The following DYNLT3 variants were observed in gnomAD, a reference collection of about 807,000 sequenced individuals.
The protein encoded by DYNLT3 is protein 91/23.
A neutral mutation model predicts 11.0 loss-of-function variants in DYNLT3; 4 were observed. That is an observed-to-expected ratio of 0.36 (90% confidence interval 0.18 to 0.83). The LOEUF (loss-of-function observed/expected upper bound fraction) is 0.83, where lower values mean the gene tolerates loss of function less well. DYNLT3 is among the 40% of genes least tolerant of loss of function. The pLI is 0.47. For synonymous variants in DYNLT3, 37 were observed against 31.2 expected (o/e 1.18, Z -0.61); for missense variants, 91 against 91.1 (o/e 1.00, Z 0.01).
Position 37,841,041 on chromosome X carries a change from A to G in DYNLT3, c.261T>C (p.Asp87=). The G allele has an allele frequency of 1.7e-6, 2 of 1,210,924 alleles. No homozygotes were observed. The highest frequency in any genetic ancestry group is 2.2e-6 in the Non-Finnish European group (2 of 895,145). The stretch of plus-strand genomic sequence containing the variant: ...AAGATCTCTTACCATCAGATGTGGT[A>G]TCCCAAAAACAGGAGCTGGCTGTGT... ...GFHTASSCFW[D]TTSDGTCTVR... The change falls in exon 4 of 5, where the codon GAT becomes GAC. Residue 87 remains aspartate (D), a synonymous_variant. Coordinates refer to ENST00000378578, the MANE Select transcript of DYNLT3 (RefSeq NM_006520.3).
At chrX:37,840,906 A>C in intron 4 of DYNLT3, 122 bp downstream of exon 4, 1 of 744,584 alleles carries the variant, frequency 1.3e-6, no homozygotes, top group South Asian at 2.7e-5. Context: ...TACTAGGTAC[A>C]AAGCAATACT....
intron 2 of DYNLT3, among the ~76,000 whole-genome samples, chrX:37,844,444 C>A (rs998530868): frequency 4.5e-5 from 5 of 111,903 alleles, no homozygotes; most frequent in Non-Finnish European, 9.4e-5. Context: ...TCACTATTTC[C>A]TGATTTATGA....
intron 3 of DYNLT3, among the ~76,000 whole-genome samples, 178 bp from the exon 4 acceptor site, chrX:37,841,283 T>C (rs1266891494): frequency 8.9e-6 from 1 of 112,254 alleles, no homozygotes; most frequent in Non-Finnish European, 1.9e-5. Flanking sequence ...AAGACTCTCA[T>C]CTTTATCTAC....
At chrX:37,846,970 G>A (rs1278971503) in intron 1 of DYNLT3, 11 of 1,154,939 alleles carry the variant, frequency 9.5e-6, no homozygotes, top group Non-Finnish European at 1.2e-5. Context: ...GTGAGGGTTG[G>A]GAAAGCCTGA....
In DYNLT3 at chrX:37,840,729, C is replaced by T. The variant is rs980632699; in HGVS notation, c.275-78G>A. On this transcript the variant is annotated intron_variant, in intron 4 of 4. Transcript: ENST00000378578. ...GAGAATATATATATATATATACACA[C>T]ACACACACACACACACACATATACA... 4.4e-4 allele frequency: 219 copies of T among 501,761 alleles called. 2 individuals are homozygous for T. In the African/African-American group the frequency reaches 4.6e-3, roughly 11 times the overall value. 41.4% of individuals were successfully genotyped at this position (501,761 alleles called of 1,213,427 possible).
rs12849 is a variant in DYNLT3 at position 37,839,169 on chromosome X, A to T, written c.*1406T>A. ...CAAACATGCACATAGTATTCCTACA[A>T]GAATATTGCCTTAATATTGTCAATA... On this transcript the variant is annotated 3_prime_UTR_variant, in exon 5 of 5. Coordinates refer to ENST00000378578, the MANE Select transcript of DYNLT3 (RefSeq NM_006520.3). 20,300 of 111,305 alleles carry T rather than the reference A, an allele frequency of 0.18. 1,380 individuals carry two copies. Among genetic ancestry groups the T allele is most frequent in the African/African-American group, 0.25 (7,546 of 30,552 alleles). 9.2% of individuals were successfully genotyped at this position (111,305 alleles called of 1,213,427 possible).
intron 3 of DYNLT3, 83 bp downstream of exon 3, chrX:37,841,699 T>C: frequency 9.9e-7 from 1 of 1,005,093 alleles, no homozygotes; most frequent in Non-Finnish European, 1.3e-6. Context: ...TAAATGTCTA[T>C]TGTACATATA....
At chrX:37,842,153 T>C (rs1394243966) in intron 2 of DYNLT3, among the ~76,000 whole-genome samples, 1 of 111,444 alleles carries the variant, frequency 9.0e-6, no homozygotes, top group Non-Finnish European at 1.9e-5. Flanking sequence ...AAGATAAATA[T>C]GTCATGGCTT....
intron 1 of DYNLT3, 137 bp downstream of exon 1, chrX:37,847,344 C>T: frequency 2.2e-6 from 2 of 922,085 alleles, no homozygotes; most frequent in Non-Finnish European, 1.4e-6. Flanking sequence ...ATCCCGGGCC[C>T]AGGGGAGAGG....
intron 2 of DYNLT3, among the ~76,000 whole-genome samples, chrX:37,846,043 C>T (rs891830306): frequency 2.7e-5 from 3 of 111,332 alleles, no homozygotes; most frequent in South Asian, 3.8e-4. Flanking sequence ...TGGTGGCGGG[C>T]GCCTGTAGAC....
At chrX:37,844,715 C>A (rs925908388) in intron 2 of DYNLT3, among the ~76,000 whole-genome samples, 1 of 111,550 alleles carries the variant, frequency 9.0e-6, no homozygotes, top group African/African-American at 3.3e-5. Flanking sequence ...GGGTGATAAC[C>A]ATTGTTCTAA....
rs891938747 is a variant in DYNLT3, at chrX:37,841,023, C to T, written c.274+5G>A. 18 of 1,207,271 alleles carry T rather than the reference C, an allele frequency of 1.5e-5. No homozygotes were observed. Among genetic ancestry groups the T allele is most frequent in the Non-Finnish European group, 1.9e-5 (17 of 893,935 alleles). On this transcript the variant is annotated splice_donor_5th_base_variant and intron_variant, in intron 4 of 4. Coordinates refer to ENST00000378578, the MANE Select transcript of DYNLT3 (RefSeq NM_006520.3). ...TTTTGTGTAAATCAGCTTAAGATCT[C>T]TTACCATCAGATGTGGTATCCCAAA... is the stretch of plus-strand genomic sequence containing the variant.
At chrX:37,845,735 A>C (rs1930255264) in intron 2 of DYNLT3, among the ~76,000 whole-genome samples, 1 of 112,791 alleles carries the variant, frequency 8.9e-6, no homozygotes, top group South Asian at 3.6e-4. Context: ...ATTTTATCCA[A>C]AAGACAGGGC....
Position 37,840,757 on chromosome X carries a change from C to G in DYNLT3, c.275-106G>C, listed in dbSNP as rs1056290716. On this transcript the variant is annotated intron_variant, in intron 4 of 4. Transcript: ENST00000378578. ...ACACACACACACACACATATACACA[C>G]ACACACACACACACACACACACACA... 46 of 283,339 alleles carry G rather than the reference C, an allele frequency of 1.6e-4. No individual in the cohort carries two copies. The African/African-American group carries it at 2.9e-3, about 18-fold the overall frequency. The allele number at this position is 283,339 out of a possible 1,213,427, so 23.4% of individuals were successfully genotyped here. A position where few individuals can be genotyped will look rare whatever the true frequency, so the allele number is the denominator to read the frequency against.
At position 37,841,836 on chromosome X, in the gene DYNLT3, C is replaced by T; in HGVS notation, c.142G>A (p.Val48Met). The T allele has an allele frequency of 8.5e-7, 1 of 1,181,435 alleles. No homozygotes were observed. The highest frequency in any genetic ancestry group is 1.1e-6 in the Non-Finnish European group (1 of 874,482). The change falls in exon 3 of 5, where the codon GTG becomes ATG. Residue 48 changes from valine to methionine, a missense_variant. By Grantham distance (21) the Val-to-Met change is conservative. Transcript: ENST00000378578. ...ACCAGGTGTGTTAAGGATTGTTCCA[C>T]TATGCTTGCAGTCCACTGGTTGATG... ...NNINQWTASI[V>M]EQSLTHLVKL...
At chrX:37,846,427 C>T in intron 1 of DYNLT3, 69 bp from the exon 2 acceptor site, 1 of 1,060,451 alleles carries the variant, frequency 9.4e-7, no homozygotes, top group African/African-American at 1.8e-5. Context: ...CACAGAATAT[C>T]CTAGGCTGGC....
At chrX:37,841,226 A>C in intron 3 of DYNLT3, 121 bp from the exon 4 acceptor site, 1 of 521,864 alleles carries the variant, frequency 1.9e-6, no homozygotes. Context: ...CAAACAAACA[A>C]AAAACAGAAA....
chrX:37,847,565 G>A lies in DYNLT3; in HGVS notation c.-55C>T, dbSNP rs1930292805. On this transcript the variant is annotated 5_prime_UTR_variant, in exon 1 of 5. Coordinates refer to ENST00000378578, the MANE Select transcript of DYNLT3 (RefSeq NM_006520.3). ...GACACGCCGGTAGAGCACCGCGGCC[G>A]CGCACTGGCCTCCGGGGAGGCCCCA... 5 of 950,978 alleles carry A rather than the reference G, an allele frequency of 5.3e-6. No individual in the cohort carries two copies. Among genetic ancestry groups the A allele is most frequent in the South Asian group, 5.5e-5 (1 of 18,080 alleles). The allele number at this position is 950,978 out of a possible 1,213,427, so 78.4% of individuals were successfully genotyped here.
intron 3 of DYNLT3, 149 bp downstream of exon 3, chrX:37,841,633 A>T (rs751120960): frequency 8.6e-6 from 5 of 581,611 alleles, no homozygotes; most frequent in Non-Finnish European, 1.2e-5. Flanking sequence ...GTATTATTAT[A>T]GATTATCTTT....
Sources: gnomAD v4.1 joint callset for allele counts (sites outside exome capture counted in the v4.1 genomes callset) on GRCh38, gnomAD v4.1.1 for gene constraint, MANE v1.5 for transcripts, NCBI Gene and HGNC (gene_info 2026-07-23, HGNC 2026-07-21) for gene names.